The following SH3RF1 variants were observed in gnomAD, a reference collection of about 807,000 sequenced individuals.
The protein encoded by SH3RF1 is E3 ubiquitin-protein ligase SH3RF1.
SH3RF1 carries 32 observed loss-of-function variants against 74.0 expected under a neutral mutation model. The observed-to-expected ratio is 0.43, with a 90% CI of 0.33 to 0.58. The LOEUF (loss-of-function observed/expected upper bound fraction) is 0.58. SH3RF1 is among the 20% of genes least tolerant of loss of function. SH3RF1 has a pLI of 0.05. For synonymous variants in SH3RF1, 396 were observed against 439.6 expected, an observed-to-expected ratio of 0.90 and a Z score of 1.24; for missense variants, 954 against 1,130.9, an observed-to-expected ratio of 0.84 and a Z score of 2.24.
At chr4:169,174,863 C>G (rs2126975316) in intron 2 of SH3RF1, among the ~76,000 whole-genome samples, 1 of 152,272 alleles carries the variant, frequency 6.6e-6, no homozygotes. Flanking sequence ...TGGATCTACA[C>G]AACGATGTCT....
chr4:169,116,560 G>T lies in SH3RF1; in HGVS notation c.1848C>A (p.Leu616=). The T allele has an allele frequency of 1.2e-6, 2 of 1,604,244 alleles. No homozygotes were observed. The highest frequency in any genetic ancestry group is 1.7e-6 in the Non-Finnish European group (2 of 1,174,170). ...GGGACAGGCCCACAGATGCAGGGCTGAGGCCGGCGGCATTCTGTACCTGGA... is the reference window on the plus strand; with the variant it reads ...GGGACAGGCCCACAGATGCAGGGCTTAGGCCGGCGGCATTCTGTACCTGGA... ...TPIQVQNAAG[L]SPASVGLSHH... The change falls in exon 10 of 12, where the codon CTC becomes CTA. Residue 616 remains leucine, a synonymous_variant. Coordinates refer to ENST00000284637, the MANE Select transcript of SH3RF1 (RefSeq NM_020870.4).
At chr4:169,136,870 T>G (rs1406170906) in intron 4 of SH3RF1, among the ~76,000 whole-genome samples, 1 of 152,140 alleles carries the variant, frequency 6.6e-6, no homozygotes, top group Non-Finnish European at 1.5e-5. Context: ...TAAAAGACAA[T>G]TTTCTTAAGA....
chr4:169,265,507 C>T (rs1337562686), intron 2 of SH3RF1, among the ~76,000 whole-genome samples: 2 of 151,916 alleles, frequency 1.3e-5, no homozygotes, highest in African/African-American at 4.8e-5. Context: ...GAGTTTCGCT[C>T]TTTTTGGCCA....
intron 9 of SH3RF1, among the ~76,000 whole-genome samples, chr4:169,116,945 C>G (rs1243866267): frequency 6.6e-6 from 1 of 152,206 alleles, no homozygotes; most frequent in Non-Finnish European, 1.5e-5. Context: ...TGGTATTCTA[C>G]AGTGTCAAGC....
At chr4:169,204,676 G>A (rs929840439) in intron 2 of SH3RF1, among the ~76,000 whole-genome samples, 2 of 150,490 alleles carry the variant, frequency 1.3e-5, no homozygotes, top group Non-Finnish European at 2.9e-5. Context: ...TCAGCCCCCT[G>A]AGTAGCTGGG....
intron 11 of SH3RF1, among the ~76,000 whole-genome samples, chr4:169,103,431 G>A (rs1034755780): frequency 2.6e-5 from 4 of 152,100 alleles, no homozygotes. Context: ...ATTTTGCCAG[G>A]GCAAGAGTTG....
intron 4 of SH3RF1, among the ~76,000 whole-genome samples, chr4:169,154,008 C>G (rs759661396): frequency 1.3e-5 from 2 of 152,092 alleles, no homozygotes; most frequent in Non-Finnish European, 2.9e-5. Context: ...AACCAAGTAT[C>G]AGCATGTAAT....
At chr4:169,140,671 T>C (rs1350049522) in intron 4 of SH3RF1, among the ~76,000 whole-genome samples, 1 of 152,182 alleles carries the variant, frequency 6.6e-6, no homozygotes, top group East Asian at 1.9e-4. Context: ...TTTGTGTGTA[T>C]GGTTGCCCTC....
At chr4:169,193,809 G>A (rs1389686177) in intron 2 of SH3RF1, among the ~76,000 whole-genome samples, 1 of 152,166 alleles carries the variant, frequency 6.6e-6, no homozygotes, top group Non-Finnish European at 1.5e-5. Context: ...AACAGATAGA[G>A]TCTACGAGCC....
intron 4 of SH3RF1, among the ~76,000 whole-genome samples, chr4:169,147,107 G>C (rs1448879000): frequency 6.6e-6 from 1 of 152,150 alleles, no homozygotes; most frequent in Admixed American, 6.5e-5. Context: ...TTTTAAATTG[G>C]TCTCAGTTCA....
intron 8 of SH3RF1, among the ~76,000 whole-genome samples, chr4:169,118,095 C>G (rs1400908398): frequency 2.6e-5 from 4 of 152,266 alleles, no homozygotes; most frequent in South Asian, 2.1e-4. Flanking sequence ...GGATTCTCCC[C>G]CTTCATCTAC....
chr4:169,231,136 G>C (rs1300939520), intron 2 of SH3RF1, among the ~76,000 whole-genome samples: 1 of 152,172 alleles, frequency 6.6e-6, no homozygotes, highest in African/African-American at 2.4e-5. Context: ...AGAATTAACT[G>C]GGTTAAAGTA....
At chr4:169,174,630 C>T (rs1320706813) in intron 2 of SH3RF1, among the ~76,000 whole-genome samples, 1 of 152,148 alleles carries the variant, frequency 6.6e-6, no homozygotes, top group East Asian at 1.9e-4. Flanking sequence ...AATTTACTCC[C>T]AAGATGATCT....
At chr4:169,098,137 AT>A (rs1732961073) in intron 11 of SH3RF1, among the ~76,000 whole-genome samples, 2 of 152,240 alleles carry the variant, frequency 1.3e-5, no homozygotes, top group South Asian at 4.1e-4. Flanking sequence ...GAAATAATAC[AT>A]GCTTATTATT....
intron 8 of SH3RF1, among the ~76,000 whole-genome samples, chr4:169,120,135 TC>T (rs548233848): frequency 6.4e-4 from 97 of 152,276 alleles, no homozygotes; most frequent in Non-Finnish European, 1.3e-3. Flanking sequence ...ACCCCTAACC[TC>T]TAGTCGTGAC....
At chr4:169,248,700 G>T (rs1579161887) in intron 2 of SH3RF1, among the ~76,000 whole-genome samples, 1 of 152,164 alleles carries the variant, frequency 6.6e-6, no homozygotes, top group South Asian at 2.1e-4. Context: ...AAACATCCAC[G>T]TGAGCAGTCC....
At chr4:169,211,682 A>G (rs1197411395) in intron 2 of SH3RF1, among the ~76,000 whole-genome samples, 2 of 152,172 alleles carry the variant, frequency 1.3e-5, no homozygotes, top group African/African-American at 2.4e-5. Flanking sequence ...AAAGGGGGGA[A>G]GTGTTATGAA....
chr4:169,134,836 C>G (rs7693374), intron 5 of SH3RF1, among the ~76,000 whole-genome samples: 1 of 152,058 alleles, frequency 6.6e-6, no homozygotes, highest in Admixed American at 6.5e-5. Flanking sequence ...ATGTCTGCCA[C>G]TTAGAATATA....
chr4:169,175,675 A>G (rs1734408053), intron 2 of SH3RF1, among the ~76,000 whole-genome samples: 1 of 152,164 alleles, frequency 6.6e-6, no homozygotes, highest in Admixed American at 6.5e-5. Context: ...CATGACATTT[A>G]TCATGACTAG....
Sources: gnomAD v4.1 joint callset for allele counts (sites outside exome capture counted in the v4.1 genomes callset) on GRCh38, gnomAD v4.1.1 for gene constraint, MANE v1.5 for transcripts, NCBI Gene and HGNC (gene_info 2026-07-23, HGNC 2026-07-21) for gene names.